The following MYO6 variants were observed in gnomAD, a reference collection of about 807,000 sequenced individuals.
The protein encoded by MYO6 is myosin VI.
In MYO6, 74 loss-of-function variants were observed where a neutral mutation model predicts 178.7. The observed-to-expected ratio is 0.41, with a 90% confidence interval of 0.34 to 0.50. MYO6 has a LOEUF of 0.50. Ranked by LOEUF, MYO6 falls within the 20% of genes least tolerant of loss-of-function variation. The probability of loss-of-function intolerance (pLI) is 0.09; values close to 1 mark genes in which losing one functional copy is unlikely to be tolerated. For missense variants in MYO6, 1,330 were observed against 1,547.4 expected (o/e 0.86, Z 2.36); for synonymous variants, 477 against 504.6 (o/e 0.95, Z 0.73).
rs1318464026 is a variant in MYO6, at chr6:75,850,229, C to G, written c.1078+1698C>G. ...GCCAGCGGGCACCTCCTCTCACTAG[C>G]AATAGTGTGCATATAGGGAAAGAGC... is the stretch of plus-strand genomic sequence containing the variant. On this transcript the variant is annotated intron_variant, in intron 11 of 34. Transcript: ENST00000369977. 2.0e-5 allele frequency among the ~76,000 whole-genome samples: 3 copies of G among 151,688 alleles called. No homozygotes were observed. The East Asian group carries it at 5.8e-4, about 29-fold the overall frequency.
At chr6:75,768,244 A>G (rs1778604384) in intron 1 of MYO6, 2 of 152,324 alleles carry the variant, frequency 1.3e-5, no homozygotes, top group South Asian at 4.1e-4. Flanking sequence ...GATGTTAATA[A>G]TCTGATCTAT....
chr6:75,899,223 A>G (rs1195830473), intron 30 of MYO6, among the ~76,000 whole-genome samples: 3 of 152,200 alleles, frequency 2.0e-5, no homozygotes, highest in Non-Finnish European at 2.9e-5. Context: ...CCATATTTTA[A>G]GCAATAATCA....
chr6:75,757,040 ATATATGTG>A (rs1366487479), intron 1 of MYO6, among the ~76,000 whole-genome samples: 5 of 136,056 alleles, frequency 3.7e-5, no homozygotes, highest in East Asian at 2.3e-4. Flanking sequence ...TATAGTGTGT[ATATATGTG>A]TATATATGTA....
At chr6:75,773,609 A>G (rs1194424255) in intron 1 of MYO6, among the ~76,000 whole-genome samples, 3 of 152,222 alleles carry the variant, frequency 2.0e-5, no homozygotes, top group Non-Finnish European at 4.4e-5. Flanking sequence ...TGAGCAGTAC[A>G]GACACAGTCC....
At chr6:75,809,069 A>T (rs866939443) in intron 1 of MYO6, among the ~76,000 whole-genome samples, 1 of 152,256 alleles carries the variant, frequency 6.6e-6, no homozygotes, top group African/African-American at 2.4e-5. Flanking sequence ...CATGAGCCTC[A>T]GCGAGATGAC....
chr6:75,780,287 C>T (rs1450538347), intron 1 of MYO6, among the ~76,000 whole-genome samples: 1 of 152,036 alleles, frequency 6.6e-6, no homozygotes, highest in African/African-American at 2.4e-5. Context: ...CTAAAAAATA[C>T]AAAAATTAGC....
intron 23 of MYO6, among the ~76,000 whole-genome samples, chr6:75,885,476 T>C (rs796611638): frequency 1.3e-4 from 19 of 148,506 alleles, no homozygotes; most frequent in African/African-American, 4.0e-4. Flanking sequence ...TGAGATGGAG[T>C]CTTGCTGTGT....
intron 1 of MYO6, among the ~76,000 whole-genome samples, chr6:75,799,099 A>G (rs1769157588): frequency 6.6e-6 from 1 of 152,182 alleles, no homozygotes; most frequent in Non-Finnish European, 1.5e-5. Context: ...TTCTGAAAGA[A>G]ATCAGAAAAC....
chr6:75,901,506 C>T (rs1299591443), intron 30 of MYO6, among the ~76,000 whole-genome samples: 1 of 152,060 alleles, frequency 6.6e-6, no homozygotes, highest in Non-Finnish European at 1.5e-5. Context: ...GGAGTTCACT[C>T]GTGATTTGGC....
In MYO6 at chr6:75,794,541, A is replaced by G. The variant is rs574485557; in HGVS notation, c.-47-22960A>G. The stretch of plus-strand genomic sequence containing the variant: ...ATGACTTTCAACCCAGAACTCAATT[A>G]TATGTGTGTGTTCAATCAGTAATTT... On this transcript the variant is annotated intron_variant, in intron 1 of 34. Transcript: ENST00000369977. 1.3e-5 allele frequency among the ~76,000 whole-genome samples: 2 copies of G among 152,180 alleles called. 1 individual carries two copies. Among genetic ancestry groups the G allele is most frequent in the South Asian group, 4.1e-4 (2 of 4,822 alleles).
Position 75,848,543 on chromosome 6 carries a change from ATTTTT to A in MYO6, c.1078+15_1078+19del, listed in dbSNP as rs144408691. 2 of 1,609,564 alleles carry A rather than the reference ATTTTT, an allele frequency of 1.2e-6. No homozygotes were observed. The highest frequency in any genetic ancestry group is 2.7e-5 in the African/African-American group (2 of 74,560). ...TGGCAGCACTTCAGGTTTGCTTTTT[ATTTTT>A]TTAAGAGGAAAAAAATTAAATAGAA... On this transcript the variant is annotated intron_variant, in intron 11 of 34. Transcript: ENST00000369977.
chr6:75,913,526 T>G (rs926103413), intron 33 of MYO6, among the ~76,000 whole-genome samples: 1 of 152,222 alleles, frequency 6.6e-6, no homozygotes, highest in South Asian at 2.1e-4. Flanking sequence ...GTGGTCATTT[T>G]AAATCCTAAA....
At chr6:75,908,648 T>C in intron 32 of MYO6, 21 bp downstream of exon 32, 1 of 1,611,692 alleles carries the variant, frequency 6.2e-7, no homozygotes, top group Non-Finnish European at 8.5e-7. Flanking sequence ...ATCTGTACTT[T>C]TGAACGTTTT....
At chr6:75,771,337 G>GT (rs558605332) in intron 1 of MYO6, among the ~76,000 whole-genome samples, 9 of 151,830 alleles carry the variant, frequency 5.9e-5, no homozygotes, top group East Asian at 1.9e-4. Flanking sequence ...TCTTCAAAGG[G>GT]TTTTTTTTAG....
intron 11 of MYO6, among the ~76,000 whole-genome samples, chr6:75,850,595 A>G (rs1414401169): frequency 1.3e-5 from 2 of 152,240 alleles, no homozygotes; most frequent in Non-Finnish European, 1.5e-5. Context: ...ATGTTCTGTA[A>G]TGCTGTGAAA....
chr6:75,867,402 A>T (rs551067710), intron 18 of MYO6: 2 of 271,928 alleles, frequency 7.4e-6, no homozygotes, highest in East Asian at 1.9e-4. Context: ...TCTCTTTCCC[A>T]TGTGTTTTCT....
chr6:75,887,063 A>G, intron 25 of MYO6, 69 bp downstream of exon 25: 1 of 1,465,390 alleles, frequency 6.8e-7, no homozygotes, highest in Non-Finnish European at 9.5e-7. Context: ...TTGGTATTGA[A>G]ATTGTATAGA....
intron 20 of MYO6, among the ~76,000 whole-genome samples, chr6:75,879,544 A>G (rs941302164): frequency 2.6e-5 from 4 of 151,538 alleles, no homozygotes; most frequent in African/African-American, 7.3e-5. Flanking sequence ...GGCATGAGCC[A>G]CTGCACCCAG....
Position 75,881,695 on chromosome 6 carries a change from G to A in MYO6, c.2293G>A (p.Glu765Lys), listed in dbSNP as rs759151057. The change falls in exon 23 of 35, where the codon GAA becomes AAA. Residue 765 changes from glutamate to lysine, a missense_variant. By Grantham distance (56) the Glu-to-Lys change is moderately conservative. This residue lies in a region of MYO6 where 613 missense variants were observed against 816.8 expected (regional missense o/e 0.75). Coordinates refer to ENST00000369977, the MANE Select transcript of MYO6 (RefSeq NM_004999.4). ...KVFFRPGKFA[E>K]FDQIMKSDPD... is the part of the protein sequence containing the mutation. ...AAATTATTTCACTTCCTAGTTTGCA[G>A]AATTTGATCAGATCATGAAGTCTGA... The A allele has an allele frequency of 6.2e-7, 1 of 1,613,516 alleles. No homozygotes were observed. The highest frequency in any genetic ancestry group is 8.5e-7 in the Non-Finnish European group (1 of 1,179,550).
Sources: gnomAD v4.1 joint callset for allele counts (sites outside exome capture counted in the v4.1 genomes callset) on GRCh38, gnomAD v4.1.1 for gene constraint, gnomAD v4.1.1 regional missense constraint, MANE v1.5 for transcripts, NCBI Gene and HGNC (gene_info 2026-07-23, HGNC 2026-07-21) for gene names.